The following GPHN variants were observed in gnomAD, a reference collection of about 807,000 sequenced individuals.
GPHN encodes the protein gephyrin.
In GPHN, 17 loss-of-function variants were observed where a neutral mutation model predicts 95.5. That is an observed-to-expected ratio of 0.18 (90% CI 0.12 to 0.27). The LOEUF (loss-of-function observed/expected upper bound fraction) is 0.27, where lower values mean the gene tolerates loss of function less well. Ranked by LOEUF, GPHN falls within the 10% of genes least tolerant of loss-of-function variation. The pLI, the probability that GPHN is intolerant of heterozygous loss-of-function variation, is 1.00. For missense variants in GPHN, 660 were observed against 978.1 expected, an observed-to-expected ratio of 0.67 and a Z score of 4.34; for synonymous variants, 320 against 322.5, an observed-to-expected ratio of 0.99 and a Z score of 0.08.
intron 18 of GPHN, among the ~76,000 whole-genome samples, chr14:67,151,566 G>T (rs2081289526): frequency 6.6e-6 from 1 of 152,188 alleles, no homozygotes; most frequent in Admixed American, 6.5e-5. Context: ...GAAACCAAAA[G>T]TTACCAAAGT....
intron 9 of GPHN, among the ~76,000 whole-genome samples, chr14:66,991,005 T>C (rs1160048631): frequency 6.6e-6 from 1 of 152,060 alleles, no homozygotes; most frequent in African/African-American, 2.4e-5. Context: ...AAGAGCCCTG[T>C]ACCACTATTG....
At chr14:66,777,068 C>G (rs542454285) in intron 3 of GPHN, among the ~76,000 whole-genome samples, 1 of 148,690 alleles carries the variant, frequency 6.7e-6, no homozygotes, top group Non-Finnish European at 1.5e-5. Flanking sequence ...ATTGATAGAC[C>G]GCTAGCAAGA....
At chr14:67,148,327 ACT>A (rs1224745784) in intron 18 of GPHN, among the ~76,000 whole-genome samples, 1 of 152,124 alleles carries the variant, frequency 6.6e-6, no homozygotes, top group African/African-American at 2.4e-5. Flanking sequence ...AACTCAGCAA[ACT>A]CACTAAAATT....
the GPHN span, among the ~76,000 whole-genome samples, chr14:67,227,144 T>G: frequency 6.6e-6 from 1 of 152,038 alleles, no homozygotes; most frequent in Non-Finnish European, 1.5e-5. Flanking sequence ...CTTATTAAAT[T>G]GAAAAATTTG....
At chr14:66,905,070 GT>G (rs2065310262) in intron 5 of GPHN, among the ~76,000 whole-genome samples, 1 of 151,996 alleles carries the variant, frequency 6.6e-6, no homozygotes, top group African/African-American at 2.4e-5. Flanking sequence ...TAGATTTGTT[GT>G]TTTGATGTGA....
chr14:67,459,537 A>G, the GPHN span, among the ~76,000 whole-genome samples: 1 of 152,238 alleles, frequency 6.6e-6, no homozygotes, highest in Non-Finnish European at 1.5e-5. Context: ...TGCTTTCACC[A>G]TGCAGGTCAC....
chr14:67,342,126 T>C, the GPHN span, among the ~76,000 whole-genome samples: 1 of 151,196 alleles, frequency 6.6e-6, no homozygotes, highest in East Asian at 1.9e-4. Flanking sequence ...CCCTCCACTA[T>C]TGTCCTATGA....
At chr14:67,479,451 C>T in the GPHN span, among the ~76,000 whole-genome samples, 2 of 148,348 alleles carry the variant, frequency 1.3e-5, no homozygotes, top group Non-Finnish European at 3.0e-5. Context: ...GGTGCAGTAG[C>T]TCATGCCTGT....
intron 1 of GPHN, among the ~76,000 whole-genome samples, chr14:66,642,526 G>C (rs1049257024): frequency 1.3e-5 from 2 of 151,360 alleles, no homozygotes; most frequent in African/African-American, 4.9e-5. Flanking sequence ...AGCCTTAAGA[G>C]TACGAGCTCA....
the GPHN span, chr14:67,714,990 T>C: frequency 6.6e-6 from 1 of 152,350 alleles, no homozygotes; most frequent in South Asian, 2.1e-4. Flanking sequence ...AGATTCTTGC[T>C]GAGAGAATTA....
At chr14:67,678,232 G>C in the GPHN span, 1 of 907,986 alleles carries the variant, frequency 1.1e-6, no homozygotes, top group Non-Finnish European at 1.8e-6. Context: ...TGTGCTAAAG[G>C]TTTTGAAAAC....
At chr14:67,089,133 C>CAT in intron 12 of GPHN, 58 bp downstream of exon 12, 1 of 198,576 alleles carries the variant, frequency 5.0e-6, no homozygotes, top group Non-Finnish European at 7.8e-6. Flanking sequence ...TTCTTTTTTT[C>CAT]TTTTTTTTTT....
At chr14:67,421,853 T>C in the GPHN span, among the ~76,000 whole-genome samples, 1 of 152,192 alleles carries the variant, frequency 6.6e-6, no homozygotes, top group Non-Finnish European at 1.5e-5. Context: ...CCACTTCTCA[T>C]TGCTGTTAGG....
chr14:67,450,110 CT>C, the GPHN span: 51,716 of 146,776 alleles, frequency 0.35, 9,019 homozygotes, highest in Middle Eastern at 0.45. Flanking sequence ...TGCACAATCT[CT>C]TTTTTTTTTT....
the GPHN span, among the ~76,000 whole-genome samples, chr14:67,213,288 A>G: frequency 6.8e-6 from 1 of 146,816 alleles, no homozygotes; most frequent in African/African-American, 2.5e-5. Flanking sequence ...AGCATTAGGT[A>G]TATCTCCTAA....
At chr14:67,230,012 C>T in the GPHN span, among the ~76,000 whole-genome samples, 1 of 152,096 alleles carries the variant, frequency 6.6e-6, no homozygotes, top group African/African-American at 2.4e-5. Context: ...AGGAGACTAA[C>T]GTTTTTAAGT....
At chr14:67,177,075 C>G (rs2083014506) in intron 21 of GPHN, among the ~76,000 whole-genome samples, 1 of 152,104 alleles carries the variant, frequency 6.6e-6, no homozygotes, top group Admixed American at 6.6e-5. Context: ...GTCTCTATCT[C>G]CATCAGTTCT....
intron 4 of GPHN, among the ~76,000 whole-genome samples, chr14:66,835,702 G>C (rs1447485288): frequency 6.6e-6 from 1 of 152,040 alleles, no homozygotes; most frequent in Admixed American, 6.6e-5. Context: ...AAACCCCATT[G>C]TCTCAGCCCA....
At chr14:67,687,263 C>T in the GPHN span, among the ~76,000 whole-genome samples, 1 of 152,120 alleles carries the variant, frequency 6.6e-6, no homozygotes, top group African/African-American at 2.4e-5. Context: ...AACCGTTTCC[C>T]ATTGCTCTTA....
Sources: gnomAD v4.1 joint callset for allele counts (sites outside exome capture counted in the v4.1 genomes callset) on GRCh38, gnomAD v4.1.1 for gene constraint, MANE v1.5 for transcripts, NCBI Gene and HGNC (gene_info 2026-07-23, HGNC 2026-07-21) for gene names.